The following DSCAM variants were observed in gnomAD, a reference collection of about 807,000 sequenced individuals.
DSCAM encodes cell adhesion molecule DSCAM.
A neutral mutation model predicts 217.7 loss-of-function variants in DSCAM; 47 were observed. The observed-to-expected ratio is 0.22, with a 90% CI of 0.17 to 0.28. The LOEUF is 0.28. Among genes scored for constraint, DSCAM ranks in the 10% least tolerant of loss-of-function variants. DSCAM has a pLI of 1.00. For missense variants in DSCAM, 2,080 were observed against 2,618.3 expected, an observed-to-expected ratio of 0.79 and a Z score of 4.49; for synonymous variants, 1,056 against 1,015.3, an observed-to-expected ratio of 1.04 and a Z score of -0.76.
intron 3 of DSCAM, among the ~76,000 whole-genome samples, chr21:40,433,692 G>C (rs1207813244): frequency 6.6e-6 from 1 of 152,162 alleles, no homozygotes; most frequent in Non-Finnish European, 1.5e-5. Flanking sequence ...TGAAATAGGT[G>C]ACATCATCTG....
chr21:40,612,140 G>A (rs574198066), intron 3 of DSCAM, among the ~76,000 whole-genome samples: 1 of 152,312 alleles, frequency 6.6e-6, no homozygotes, highest in South Asian at 2.1e-4. Flanking sequence ...TGTACGCTTA[G>A]AGGGTGACAT....
At chr21:40,778,501 G>A (rs2123416460) in intron 1 of DSCAM, among the ~76,000 whole-genome samples, 1 of 152,254 alleles carries the variant, frequency 6.6e-6, no homozygotes, top group East Asian at 1.9e-4. Flanking sequence ...GGAAGAAGGT[G>A]CTTAGGTTAT....
chr21:40,636,992 C>A (rs2089770227), intron 3 of DSCAM, among the ~76,000 whole-genome samples: 1 of 148,238 alleles, frequency 6.7e-6, no homozygotes, highest in Non-Finnish European at 1.5e-5. Context: ...CTGTATAGAC[C>A]AAAGACAGGA....
chr21:40,078,802 G>A lies in DSCAM; in HGVS notation c.4596C>T (p.Ser1532=). Residue 1532 remains serine (S), a synonymous_variant, in exon 26 of 33, where the codon TCC becomes TCT. Transcript: ENST00000400454. The part of the protein sequence containing the change: ...TTAQRTSLSK[S]YILYDLQEAT... ...CTTCCTGCAGGTCATACAGGATGTA[G>A]GACTTGGAGAGAGAGGTCCTCTGAG... 1 of 1,614,240 alleles carries A rather than the reference G, an allele frequency of 6.2e-7. No individual in the cohort carries two copies. Among genetic ancestry groups the A allele is most frequent in the Non-Finnish European group, 8.5e-7 (1 of 1,180,048 alleles).
At position 40,636,746 on chromosome 21, in the gene DSCAM, C is replaced by T. The variant is rs949523815; in HGVS notation, c.508+56064G>A. On this transcript the variant is annotated intron_variant, in intron 3 of 32. Coordinates refer to ENST00000400454, the MANE Select transcript of DSCAM (RefSeq NM_001389.5). The stretch of plus-strand genomic sequence containing the variant: ...GCCACGCTAGTCTGAGGATTTTGGC[C>T]GGGGGTCTCATGACTTTTTTTTTTT... 1.6e-4 allele frequency among the ~76,000 whole-genome samples: 24 copies of T among 146,280 alleles called. No homozygotes were observed. In the East Asian group the frequency reaches 1.8e-3, roughly 11 times the overall value.
At chr21:40,078,077 C>A (rs912504625) in intron 26 of DSCAM, among the ~76,000 whole-genome samples, 1 of 152,156 alleles carries the variant, frequency 6.6e-6, no homozygotes, top group Non-Finnish European at 1.5e-5. Context: ...AGATTTTAAA[C>A]CATTTATTTT....
At chr21:40,506,675 C>T (rs1946767703) in intron 3 of DSCAM, among the ~76,000 whole-genome samples, 1 of 152,006 alleles carries the variant, frequency 6.6e-6, no homozygotes, top group African/African-American at 2.4e-5. Context: ...AAGCAAAGAG[C>T]GAGTAACAGT....
chr21:40,249,922 G>A (rs1601484099), intron 11 of DSCAM, among the ~76,000 whole-genome samples: 1 of 152,286 alleles, frequency 6.6e-6, no homozygotes, highest in East Asian at 1.9e-4. Flanking sequence ...AAGGCCTCCT[G>A]GCACTATTCC....
intron 1 of DSCAM, among the ~76,000 whole-genome samples, chr21:40,758,667 G>C (rs568112626): frequency 6.6e-6 from 1 of 152,056 alleles, no homozygotes; most frequent in South Asian, 2.1e-4. Flanking sequence ...GGCCAACTCC[G>C]GTTTTGTCAT....
At chr21:40,760,660 T>C (rs2091323697) in intron 1 of DSCAM, among the ~76,000 whole-genome samples, 1 of 152,228 alleles carries the variant, frequency 6.6e-6, no homozygotes, top group South Asian at 2.1e-4. Context: ...GCCACCCAGG[T>C]AGAGGAACCT....
intron 3 of DSCAM, among the ~76,000 whole-genome samples, chr21:40,399,285 A>ACAAAT (rs750584447): frequency 8.0e-5 from 12 of 149,514 alleles, no homozygotes; most frequent in Non-Finnish European, 1.8e-4. Context: ...ACAAAACAAA[A>ACAAAT]CAAAACAAAA....
At chr21:40,771,406 A>C (rs905886830) in intron 1 of DSCAM, among the ~76,000 whole-genome samples, 1 of 152,208 alleles carries the variant, frequency 6.6e-6, no homozygotes, top group Non-Finnish European at 1.5e-5. Context: ...AGCACCTTTT[A>C]CATTTTTCCC....
intron 11 of DSCAM, among the ~76,000 whole-genome samples, chr21:40,259,361 T>C (rs1453927826): frequency 6.6e-6 from 1 of 151,876 alleles, no homozygotes; most frequent in Non-Finnish European, 1.5e-5. Flanking sequence ...GGTTATACCA[T>C]CTCCCTGGAA....
intron 32 of DSCAM, among the ~76,000 whole-genome samples, chr21:40,030,922 C>T (rs1215929081): frequency 1.3e-5 from 2 of 152,162 alleles, no homozygotes; most frequent in Non-Finnish European, 1.5e-5. Flanking sequence ...GGGTCTTCTG[C>T]AGCCACTACC....
chr21:40,846,631 T>C lies in DSCAM; in HGVS notation c.31A>G (p.Ser11Gly). The C allele has an allele frequency of 7.7e-7, 1 of 1,293,942 alleles. No homozygotes were observed. The highest frequency in any genetic ancestry group is 9.8e-7 in the Non-Finnish European group (1 of 1,018,078). The allele number at this position is 1,293,942 out of a possible 1,614,324, so 80.2% of individuals were successfully genotyped here. The change falls in exon 1 of 33, where the codon AGC becomes GGC. Residue 11 changes from serine (S) to glycine (G), a missense_variant. This residue lies in a region of DSCAM where 568 missense variants were observed against 678.1 expected (regional missense o/e 0.84). Transcript: ENST00000400454. MWILALSLFQ[S>G]FANVFSEDLH... Reference sequence around the variant, plus strand: ...CCGAAAGGCTCACCATTCGCGAAGCTCTGGAACAAGGAGAGAGCCAGTATC... The same window carrying C: ...CCGAAAGGCTCACCATTCGCGAAGCCCTGGAACAAGGAGAGAGCCAGTATC...
chr21:40,119,562 A>T (rs1012209714), intron 20 of DSCAM, among the ~76,000 whole-genome samples: 2 of 152,182 alleles, frequency 1.3e-5, no homozygotes, highest in Non-Finnish European at 2.9e-5. Flanking sequence ...AGATTCAATG[A>T]TCCACAGAGA....
chr21:40,103,358 A>G lies in DSCAM; in HGVS notation c.3697-9484T>C, dbSNP rs150326375. Reference sequence around the variant, plus strand: ...AAAAACTCCCCCAAGCAATAAACAAAATTGATAGCTCTTTTAATTATAGGG... The same window carrying G: ...AAAAACTCCCCCAAGCAATAAACAAGATTGATAGCTCTTTTAATTATAGGG... On this transcript the variant is annotated intron_variant, in intron 20 of 32. Coordinates refer to ENST00000400454, the MANE Select transcript of DSCAM (RefSeq NM_001389.5). 3.3e-3 allele frequency among the ~76,000 whole-genome samples: 498 copies of G among 152,278 alleles called. 2 individuals are homozygous for G. The highest frequency in any genetic ancestry group is 0.012 in the African/African-American group (487 of 41,572).
chr21:40,146,961 A>G (rs184559230), intron 16 of DSCAM, among the ~76,000 whole-genome samples: 1 of 152,318 alleles, frequency 6.6e-6, no homozygotes, highest in Admixed American at 6.5e-5. Flanking sequence ...AATCAAATGA[A>G]TTTCCCTGTA....
At chr21:40,828,673 T>TC (rs962984044) in intron 1 of DSCAM, among the ~76,000 whole-genome samples, 13 of 151,116 alleles carry the variant, frequency 8.6e-5, no homozygotes, top group African/African-American at 2.4e-4. Flanking sequence ...TTTTTTTTTT[T>TC]TTGAGACAGT....
Sources: allele counts gnomAD v4.1 joint callset (sites outside exome capture counted in the v4.1 genomes callset), GRCh38; gene constraint gnomAD v4.1.1; regional missense constraint gnomAD v4.1.1; transcripts MANE v1.5; gene names NCBI Gene and HGNC (gene_info 2026-07-23, HGNC 2026-07-21).